The following GOLGB1 variants were observed in gnomAD, a reference collection of about 807,000 sequenced individuals.
GOLGB1 encodes golgin B1.
GOLGB1 carries 174 observed loss-of-function variants against 336.9 expected under a neutral mutation model. That is an observed-to-expected ratio of 0.52 (90% CI 0.46 to 0.59). GOLGB1 has a LOEUF of 0.59. Among genes scored for constraint, GOLGB1 ranks in the 20% least tolerant of loss-of-function variants. GOLGB1 has a pLI of 0.00. For missense variants in GOLGB1, 3,331 were observed against 3,645.3 expected, an observed-to-expected ratio of 0.91 and a Z score of 2.22; for synonymous variants, 1,208 against 1,289.2, an observed-to-expected ratio of 0.94 and a Z score of 1.35.
intron 14 of GOLGB1, among the ~76,000 whole-genome samples, chr3:121,686,060 C>T (rs1487734301): frequency 6.6e-6 from 1 of 152,114 alleles, no homozygotes; most frequent in East Asian, 1.9e-4. Context: ...TTGCTCTGCA[C>T]TTACATTAAG....
At chr3:121,675,511 C>T (rs958699399) in intron 17 of GOLGB1, among the ~76,000 whole-genome samples, 5 of 152,080 alleles carry the variant, frequency 3.3e-5, no homozygotes, top group African/African-American at 9.7e-5. Context: ...AAAAATGACA[C>T]TATATGCAAC....
Position 121,693,771 on chromosome 3 carries a change from T to C in GOLGB1, c.6752A>G (p.His2251Arg), listed in dbSNP as rs181460098. 3.1e-3 allele frequency: 4,992 copies of C among 1,608,384 alleles called. 197 individuals are homozygous for C. The South Asian group carries it at 0.051, about 16-fold the overall frequency. ...LKDQLRQMSI[H>R]MEELKINISR... ...AATGTTAATCTTTAATTCTTCCATA[T>C]GGATGGACATCTGTCTAAGTTGATC... Residue 2251 changes from histidine to arginine, a missense_variant, in exon 13 of 22, where the codon CAT becomes CGT. By Grantham distance (29) the His-to-Arg change is conservative. Transcript: ENST00000614479.
At chr3:121,720,901 T>G (rs1945145699) in intron 6 of GOLGB1, among the ~76,000 whole-genome samples, 2 of 152,216 alleles carry the variant, frequency 1.3e-5, no homozygotes, top group Non-Finnish European at 2.9e-5. Flanking sequence ...AAACTCACAG[T>G]AACCTCTTTC....
intron 9 of GOLGB1, 112 bp from the exon 10 acceptor site, chr3:121,715,088 A>G: frequency 3.2e-6 from 2 of 615,406 alleles, no homozygotes; most frequent in Non-Finnish European, 5.7e-6. Flanking sequence ...TTCCTTAGTT[A>G]AAATTATGAT....
Position 121,726,946 on chromosome 3 carries a change from C to G in GOLGB1, c.498G>C (p.Gln166His). Residue 166 changes from glutamine to histidine, a missense_variant, in exon 5 of 22, where the codon CAG becomes CAC. Coordinates refer to ENST00000614479, the MANE Select transcript of GOLGB1 (RefSeq NM_001366282.2). ...KEELISTLQA[Q>H]LTQAQAEQPA... ...GTTGTTCTGCCTGTGCCTGAGTAAG[C>G]TGGGCTTGCAAAGTGCTGATTAGTT... The G allele has an allele frequency of 1.9e-6, 3 of 1,603,808 alleles. No individual in the cohort carries two copies. The highest frequency in any genetic ancestry group is 2.6e-6 in the Non-Finnish European group (3 of 1,173,928).
At chr3:121,675,126 G>A (rs900345454) in intron 17 of GOLGB1, among the ~76,000 whole-genome samples, 3 of 151,574 alleles carry the variant, frequency 2.0e-5, no homozygotes, top group Non-Finnish European at 2.9e-5. Context: ...GTGAGCCACC[G>A]CGCCCGGCCT....
intron 10 of GOLGB1, among the ~76,000 whole-genome samples, chr3:121,706,985 G>C (rs967451668): frequency 6.6e-6 from 1 of 151,422 alleles, no homozygotes; most frequent in Admixed American, 6.6e-5. Context: ...GGCCGAGGCG[G>C]GTGGATCATG....
chr3:121,712,224 C>T (rs948959833), intron 10 of GOLGB1, among the ~76,000 whole-genome samples: 1 of 152,054 alleles, frequency 6.6e-6, no homozygotes, highest in African/African-American at 2.4e-5. Flanking sequence ...AGTCTCCTTA[C>T]GAAATGGTGC....
intron 8 of GOLGB1, 101 bp downstream of exon 8, chr3:121,718,287 T>C (rs1944924756): frequency 7.2e-6 from 5 of 690,176 alleles, no homozygotes; most frequent in East Asian, 5.3e-5. Context: ...ATGGCATCAA[T>C]TCTCTGAAGA....
intron 15 of GOLGB1, among the ~76,000 whole-genome samples, chr3:121,680,939 CA>C (rs1941001664): frequency 6.6e-6 from 1 of 152,138 alleles, no homozygotes; most frequent in Non-Finnish European, 1.5e-5. Context: ...TCTTAAAAAA[CA>C]AAACATTCAC....
Position 121,683,989 on chromosome 3 carries a change from G to A in GOLGB1, c.8695-2124C>T, listed in dbSNP as rs575494561. 5.3e-5 allele frequency among the ~76,000 whole-genome samples: 8 copies of A among 151,816 alleles called. No individual in the cohort carries two copies. The East Asian group carries it at 9.7e-4, about 18-fold the overall frequency. ...TTAAAAATATAAAAATTAGCTGGGCGTGGTGGCGGGAGCCTATAGTCCCAG... is the reference window on the plus strand; with the variant it reads ...TTAAAAATATAAAAATTAGCTGGGCATGGTGGCGGGAGCCTATAGTCCCAG... On this transcript the variant is annotated intron_variant, in intron 14 of 21. Coordinates refer to ENST00000614479, the MANE Select transcript of GOLGB1 (RefSeq NM_001366282.2).
intron 15 of GOLGB1, among the ~76,000 whole-genome samples, chr3:121,679,209 C>T (rs1005327748): frequency 6.6e-6 from 1 of 152,138 alleles, no homozygotes; most frequent in African/African-American, 2.4e-5. Context: ...ACTGACATGA[C>T]ACTCAAAGGA....
At chr3:121,731,529 C>T (rs1946117527) in intron 1 of GOLGB1, among the ~76,000 whole-genome samples, 1 of 151,994 alleles carries the variant, frequency 6.6e-6, no homozygotes, top group South Asian at 2.1e-4. Context: ...ACATGAATGT[C>T]TTATTCTTTC....
chr3:121,688,046 T>C (rs1384023527), intron 14 of GOLGB1, among the ~76,000 whole-genome samples: 1 of 152,158 alleles, frequency 6.6e-6, no homozygotes, highest in African/African-American at 2.4e-5. Flanking sequence ...ATATGGGATA[T>C]TAAGTGAGAT....
chr3:121,707,225 C>CAAAAAA (rs554313106), intron 10 of GOLGB1, among the ~76,000 whole-genome samples: 1 of 93,660 alleles, frequency 1.1e-5, no homozygotes, highest in Non-Finnish European at 2.0e-5. Context: ...GACTCCATCT[C>CAAAAAA]AAAAAAAAAA....
At position 121,690,901 on chromosome 3, in the gene GOLGB1, T is replaced by C. The variant is rs1472563087; in HGVS notation, c.8463A>G (p.Gln2821=). 7.4e-6 allele frequency: 12 copies of C among 1,614,094 alleles called. No homozygotes were observed. In the Admixed American group the frequency reaches 2.0e-4, roughly 27 times the overall value. ...CTAGTTGTGAGGACAAGTGAAGCAA[T>C]TGCTCATCTTTGGATAGGAGCTGTT... ...LNQQLLSKDE[Q]LLHLSSQLED... The change falls in exon 14 of 22, where the codon CAA becomes CAG. Residue 2821 remains glutamine, a synonymous_variant. Transcript: ENST00000614479.
In GOLGB1 at chr3:121,691,385, A is replaced by G. The variant is rs374970487; in HGVS notation, c.7979T>C (p.Ile2660Thr). 98 of 1,613,368 alleles carry G rather than the reference A, an allele frequency of 6.1e-5. No homozygotes were observed. Among genetic ancestry groups the G allele is most frequent in the Non-Finnish European group, 7.7e-5 (91 of 1,179,904 alleles). Reference sequence around the variant, plus strand: ...AACCAATTCTTCTTCCAGTTCTGCAATTCTCTTTTGAGAGGAGGAAAACAA... The same window carrying G: ...AACCAATTCTTCTTCCAGTTCTGCAGTTCTCTTTTGAGAGGAGGAAAACAA... ...SALFSSSQKRIAELEEELVCV... is the reference protein window; with the variant it reads ...SALFSSSQKRTAELEEELVCV... The change falls in exon 14 of 22, where the codon ATT (isoleucine) becomes ACT (threonine). Residue 2660 changes from isoleucine (I) to threonine (T), a missense_variant. By Grantham distance (89) the Ile-to-Thr change is moderately conservative. Coordinates refer to ENST00000614479, the MANE Select transcript of GOLGB1 (RefSeq NM_001366282.2).
Position 121,663,542 on chromosome 3 carries a change from CT to C in GOLGB1, c.*937del, listed in dbSNP as rs986979259. On this transcript the variant is annotated 3_prime_UTR_variant, in exon 22 of 22. Transcript: ENST00000614479. ...CAATGGGGCTGAGAAACTGTAATAA[CT>C]GTCACTAACAGCAAAGTAGCTTAGT... The C allele has an allele frequency of 2.0e-5, 3 of 152,222 alleles. No individual in the cohort carries two copies. The highest frequency in any genetic ancestry group is 7.2e-5 in the African/African-American group (3 of 41,454). The allele number at this position is 152,222 out of a possible 1,614,324, so 9.4% of individuals were successfully genotyped here.
At chr3:121,714,328 C>T (rs755010697) in intron 10 of GOLGB1, among the ~76,000 whole-genome samples, 2 of 152,012 alleles carry the variant, frequency 1.3e-5, no homozygotes, top group Admixed American at 6.6e-5. Flanking sequence ...AATCAGCCTT[C>T]GATGATTACA....
Sources: allele counts gnomAD v4.1 joint callset (sites outside exome capture counted in the v4.1 genomes callset), GRCh38; gene constraint gnomAD v4.1.1; transcripts MANE v1.5; gene names NCBI Gene and HGNC (gene_info 2026-07-23, HGNC 2026-07-21).